Variants in SMYD3 observed in about 807,000 individuals in gnomAD.
The protein encoded by SMYD3 is SET and MYND domain containing 3, also known as histone-lysine N-methyltransferase SMYD3.
Under a neutral mutation model 57.7 loss-of-function variants are expected in SMYD3, and 36 were observed. The observed-to-expected ratio is 0.62, with a 90% CI of 0.48 to 0.82. SMYD3 has a LOEUF of 0.82. Among genes scored for constraint, SMYD3 ranks in the 40% least tolerant of loss-of-function variants. SMYD3 has a pLI of 0.00. For missense variants in SMYD3, 515 were observed against 538.8 expected, an observed-to-expected ratio of 0.96 and a Z score of 0.44; for synonymous variants, 211 against 195.0, an observed-to-expected ratio of 1.08 and a Z score of -0.68.
intron 5 of SMYD3, among the ~76,000 whole-genome samples, chr1:246,272,703 T>C (rs2064245668): frequency 6.6e-6 from 1 of 152,206 alleles, no homozygotes; most frequent in East Asian, 1.9e-4. Flanking sequence ...CTGTTGAAAA[T>C]TTTTACATCA....
At chr1:246,394,272 T>C (rs978896773) in intron 1 of SMYD3, among the ~76,000 whole-genome samples, 3 of 152,240 alleles carry the variant, frequency 2.0e-5, no homozygotes, top group African/African-American at 4.8e-5. Context: ...AGTATTCATT[T>C]CCTTTAAGAA....
rs961868012 is a variant in SMYD3, at chr1:246,138,433, A to AT, written c.531+188767dup. Among the ~76,000 whole-genome samples the AT allele has an allele frequency of 7.2e-4, 108 of 150,874 alleles. 1 individual carries two copies. Among genetic ancestry groups the AT allele is most frequent in the African/African-American group, 2.6e-3 (106 of 41,250 alleles). ...ATTTTAAAAATTTATTTATTTATTT[A>AT]TTTTTTTTCTGAGACGGAGTCTCGC... On this transcript the variant is annotated intron_variant, in intron 5 of 11. Coordinates refer to ENST00000490107, the MANE Select transcript of SMYD3 (RefSeq NM_001167740.2).
intron 5 of SMYD3, among the ~76,000 whole-genome samples, chr1:246,192,071 G>C (rs565691652): frequency 6.6e-6 from 1 of 152,278 alleles, no homozygotes; most frequent in South Asian, 2.1e-4. Flanking sequence ...GTTGGATACA[G>C]AAGAGGCTAT....
chr1:245,781,759 C>T (rs915690864), intron 10 of SMYD3, among the ~76,000 whole-genome samples: 1 of 152,078 alleles, frequency 6.6e-6, no homozygotes, highest in African/African-American at 2.4e-5. Context: ...GCACTGGGGT[C>T]AGGAGGTGGA....
At chr1:245,752,124 G>C (rs1171076240) in intron 11 of SMYD3, among the ~76,000 whole-genome samples, 3 of 152,228 alleles carry the variant, frequency 2.0e-5, no homozygotes, top group African/African-American at 7.2e-5. Context: ...GAGCCTTCAT[G>C]GGAAATTTTC....
chr1:245,861,770 G>A (rs2051561412), intron 9 of SMYD3, among the ~76,000 whole-genome samples: 1 of 152,142 alleles, frequency 6.6e-6, no homozygotes, highest in Admixed American at 6.5e-5. Flanking sequence ...GTTGACTATT[G>A]TGTCTTTGAT....
At chr1:246,292,556 T>C (rs1294013671) in intron 5 of SMYD3, among the ~76,000 whole-genome samples, 1 of 152,246 alleles carries the variant, frequency 6.6e-6, no homozygotes, top group East Asian at 1.9e-4. Flanking sequence ...AAAGCAGATA[T>C]GATCACTATA....
intron 5 of SMYD3, among the ~76,000 whole-genome samples, chr1:246,258,125 C>T (rs1010159633): frequency 4.6e-5 from 7 of 152,168 alleles, no homozygotes; most frequent in African/African-American, 1.7e-4. Flanking sequence ...CAACCTCTGC[C>T]TCCTGGGTTC....
chr1:245,815,774 A>C (rs1470507437), intron 10 of SMYD3, among the ~76,000 whole-genome samples: 2 of 152,226 alleles, frequency 1.3e-5, no homozygotes, highest in African/African-American at 4.8e-5. Context: ...CCCCTAAGAG[A>C]CAGAAATGAA....
chr1:246,384,254 T>C (rs546442207), intron 1 of SMYD3, among the ~76,000 whole-genome samples: 1 of 152,328 alleles, frequency 6.6e-6, no homozygotes, highest in African/African-American at 2.4e-5. Flanking sequence ...AAATCAGGTC[T>C]CATAAACCTT....
intron 10 of SMYD3, among the ~76,000 whole-genome samples, chr1:245,798,411 C>T (rs1316155957): frequency 4.7e-5 from 1 of 21,372 alleles, no homozygotes; most frequent in African/African-American, 8.3e-5. Flanking sequence ...CACACATACA[C>T]ACACATACAC....
At chr1:246,459,456 CTT>C (rs1395047319) in intron 1 of SMYD3, among the ~76,000 whole-genome samples, 3 of 151,424 alleles carry the variant, frequency 2.0e-5, no homozygotes, top group Non-Finnish European at 2.9e-5. Context: ...CCTTCACTCT[CTT>C]GTTCTGCTAT....
In SMYD3 at chr1:245,907,570, A is replaced by T. The variant is rs139026485; in HGVS notation, c.813+7960T>A. Reference sequence around the variant, plus strand: ...TAGAACAGATACGCAAATGGGAAAAAGAAGGGAATCAAATGTTATCACTAC... The same window carrying T: ...TAGAACAGATACGCAAATGGGAAAATGAAGGGAATCAAATGTTATCACTAC... On this transcript the variant is annotated intron_variant, in intron 8 of 11. Coordinates refer to ENST00000490107, the MANE Select transcript of SMYD3 (RefSeq NM_001167740.2). Among the ~76,000 whole-genome samples the T allele has an allele frequency of 2.0e-3, 311 of 152,338 alleles. 4 individuals are homozygous for T. Among genetic ancestry groups the T allele is most frequent in the African/African-American group, 7.1e-3 (294 of 41,584 alleles).
Position 246,507,246 on chromosome 1 carries a change from C to A in SMYD3, c.-29G>T, listed in dbSNP as rs1427947970. ...CCCGCAGCTCCGGCACCTCAGACGG[C>A]TACCCGCGTCCAGCAGCGGGCGTCT... On this transcript the variant is annotated 5_prime_UTR_variant, in exon 1 of 12. Transcript: ENST00000490107. The A allele has an allele frequency of 2.0e-6, 3 of 1,475,298 alleles. No individual in the cohort carries two copies. Among genetic ancestry groups the A allele is most frequent in the Admixed American group, 4.7e-5 (2 of 42,446 alleles). 91.4% of individuals were successfully genotyped at this position (1,475,298 alleles called of 1,614,324 possible). A position where few individuals can be genotyped will look rare whatever the true frequency, so the allele number is the denominator to read the frequency against.
chr1:245,945,869 C>T (rs1272406292), intron 5 of SMYD3, among the ~76,000 whole-genome samples: 1 of 152,114 alleles, frequency 6.6e-6, no homozygotes, highest in African/African-American at 2.4e-5. Flanking sequence ...GAACAGAAAC[C>T]CAAACACCAC....
chr1:246,148,123 CG>C (rs2061884435), intron 5 of SMYD3, among the ~76,000 whole-genome samples: 1 of 152,120 alleles, frequency 6.6e-6, no homozygotes, highest in Non-Finnish European at 1.5e-5. Flanking sequence ...GATGCCAGTC[CG>C]GGACCGGAGT....
chr1:246,305,374 T>C (rs566904831), intron 5 of SMYD3, among the ~76,000 whole-genome samples: 2 of 152,328 alleles, frequency 1.3e-5, no homozygotes, highest in South Asian at 4.1e-4. Context: ...CCTTGTTATC[T>C]TCAATGTAAC....
intron 5 of SMYD3, chr1:246,113,598 G>C (rs1338852514): frequency 1.3e-5 from 2 of 152,234 alleles, no homozygotes; most frequent in African/African-American, 4.8e-5. Context: ...GAGGAAAAGA[G>C]AGTATCTTCT....
intron 5 of SMYD3, among the ~76,000 whole-genome samples, chr1:246,305,399 T>C (rs2064963074): frequency 6.6e-6 from 1 of 152,204 alleles, no homozygotes; most frequent in Non-Finnish European, 1.5e-5. Context: ...ATCATCTTTT[T>C]AACATAAAAT....
Sources: gnomAD v4.1 joint callset for allele counts (sites outside exome capture counted in the v4.1 genomes callset) on GRCh38, gnomAD v4.1.1 for gene constraint, MANE v1.5 for transcripts, NCBI Gene and HGNC (gene_info 2026-07-23, HGNC 2026-07-21) for gene names.